The following DSCAM variants were observed in gnomAD, a reference collection of about 807,000 sequenced individuals.
DSCAM encodes DS cell adhesion molecule.
A neutral mutation model predicts 217.7 loss-of-function variants in DSCAM; 47 were observed. That is an observed-to-expected ratio of 0.22 (90% confidence interval 0.17 to 0.28). DSCAM has a LOEUF of 0.28. Ranked by LOEUF, DSCAM falls within the 10% of genes least tolerant of loss-of-function variation. The pLI is 1.00. For synonymous variants in DSCAM, 1,056 were observed against 1,015.3 expected (o/e 1.04, Z -0.76); for missense variants, 2,080 against 2,618.3 (o/e 0.79, Z 4.49).
At chr21:40,513,684 A>T (rs2076277737) in intron 3 of DSCAM, among the ~76,000 whole-genome samples, 1 of 152,308 alleles carries the variant, frequency 6.6e-6, no homozygotes, top group East Asian at 1.9e-4. Flanking sequence ...ATCTTTCCCC[A>T]TGACCCAAAC....
At chr21:40,286,851 T>TGCG (rs139977303) in intron 10 of DSCAM, among the ~76,000 whole-genome samples, 1 of 150,008 alleles carries the variant, frequency 6.7e-6, no homozygotes, top group East Asian at 2.0e-4. Flanking sequence ...GATCTGCAGG[T>TGCG]ATCTGCAGTG....
chr21:40,362,242 T>C (rs994050839), intron 4 of DSCAM, among the ~76,000 whole-genome samples: 11 of 152,182 alleles, frequency 7.2e-5, no homozygotes, highest in Non-Finnish European at 1.3e-4. Flanking sequence ...TACGTGTGCA[T>C]GTGTCTTTAT....
intron 3 of DSCAM, among the ~76,000 whole-genome samples, chr21:40,551,173 G>A (rs963001138): frequency 2.4e-4 from 36 of 152,170 alleles, no homozygotes; most frequent in African/African-American, 8.2e-4. Flanking sequence ...AGGTGGTTGG[G>A]TTACAGCTTG....
intron 9 of DSCAM, among the ~76,000 whole-genome samples, chr21:40,300,639 G>T (rs2074004929): frequency 6.6e-6 from 1 of 152,226 alleles, no homozygotes; most frequent in South Asian, 2.1e-4. Flanking sequence ...ATCACTGAGG[G>T]ACAGGAGTCA....
intron 3 of DSCAM, among the ~76,000 whole-genome samples, chr21:40,519,792 C>T (rs571087927): frequency 1.3e-5 from 2 of 152,188 alleles, no homozygotes; most frequent in South Asian, 4.1e-4. Flanking sequence ...CATGCCAGCT[C>T]GACAATTGTG....
At chr21:40,498,712 G>GGT (rs1568855015) in intron 3 of DSCAM, among the ~76,000 whole-genome samples, 2 of 3,872 alleles carry the variant, frequency 5.2e-4, no homozygotes, top group Non-Finnish European at 8.7e-4. Flanking sequence ...TATATATATG[G>GGT]GTGTATATAT....
intron 11 of DSCAM, among the ~76,000 whole-genome samples, chr21:40,238,612 A>G (rs2146937358): frequency 6.6e-6 from 1 of 152,338 alleles, no homozygotes; most frequent in South Asian, 2.1e-4. Flanking sequence ...CACATGTGCC[A>G]TAGCAGCTGG....
rs185775365 is a variant in DSCAM, at chr21:40,752,130, G to A, written c.44-43359C>T. On this transcript the variant is annotated intron_variant, in intron 1 of 32. Transcript: ENST00000400454. ...CACTCCTGACAGCACTTTGTACATG[G>A]TAATAATAATCTACCAATTAACTAC... Among the ~76,000 whole-genome samples the A allele has an allele frequency of 5.9e-5, 9 of 152,304 alleles. No individual in the cohort carries two copies. In the East Asian group the frequency reaches 1.7e-3, roughly 29 times the overall value.
intron 1 of DSCAM, among the ~76,000 whole-genome samples, chr21:40,822,277 C>T (rs1217567714): frequency 1.4e-5 from 2 of 138,230 alleles, no homozygotes; most frequent in Admixed American, 7.7e-5. Context: ...CAAGATTGCA[C>T]CACTGCACTC....
intron 1 of DSCAM, among the ~76,000 whole-genome samples, chr21:40,824,285 C>G (rs1182315686): frequency 6.6e-6 from 1 of 152,136 alleles, no homozygotes; most frequent in Non-Finnish European, 1.5e-5. Flanking sequence ...AACCAAAATA[C>G]TGCATTGATT....
chr21:40,262,960 T>C (rs1193226202), intron 11 of DSCAM, among the ~76,000 whole-genome samples: 1 of 152,200 alleles, frequency 6.6e-6, no homozygotes, highest in Non-Finnish European at 1.5e-5. Flanking sequence ...CTGTTAATTT[T>C]GCAAAAATAT....
At chr21:40,153,338 G>T (rs947292356) in intron 16 of DSCAM, among the ~76,000 whole-genome samples, 2 of 152,196 alleles carry the variant, frequency 1.3e-5, no homozygotes, top group African/African-American at 2.4e-5. Context: ...GTACTATGGA[G>T]GGGCAAATCG....
intron 1 of DSCAM, among the ~76,000 whole-genome samples, chr21:40,737,256 A>C (rs1435072128): frequency 2.0e-5 from 3 of 152,238 alleles, no homozygotes; most frequent in Non-Finnish European, 2.9e-5. Flanking sequence ...ATAGGATCAC[A>C]AGTGTATATA....
chr21:40,011,588 C>T lies in DSCAM; in HGVS notation c.*1446G>A, dbSNP rs190459878. The T allele has an allele frequency of 6.8e-6, 1 of 147,004 alleles. No individual in the cohort carries two copies. Among genetic ancestry groups the T allele is most frequent in the East Asian group, 2.1e-4 (1 of 4,814 alleles). 9.1% of individuals were successfully genotyped at this position (147,004 alleles called of 1,614,324 possible). On this transcript the variant is annotated 3_prime_UTR_variant, in exon 33 of 33. Coordinates refer to ENST00000400454, the MANE Select transcript of DSCAM (RefSeq NM_001389.5). Reference sequence around the variant, plus strand: ...GTGAGCCTGGAATGGAGTGTTGCAGCCAGGGGAGGATTACATCCTCTTTCA... The same window carrying T: ...GTGAGCCTGGAATGGAGTGTTGCAGTCAGGGGAGGATTACATCCTCTTTCA...
intron 3 of DSCAM, among the ~76,000 whole-genome samples, chr21:40,514,240 G>C (rs1281569696): frequency 1.3e-5 from 2 of 152,186 alleles, no homozygotes; most frequent in Non-Finnish European, 2.9e-5. Context: ...GCAGAGCCCT[G>C]CATGCTCAAT....
At chr21:40,660,193 C>T (rs547653334) in intron 3 of DSCAM, among the ~76,000 whole-genome samples, 1 of 152,212 alleles carries the variant, frequency 6.6e-6, no homozygotes, top group Non-Finnish European at 1.5e-5. Context: ...GATAATTTGG[C>T]CACAGATATG....
At chr21:40,666,765 T>G (rs1423704463) in intron 3 of DSCAM, among the ~76,000 whole-genome samples, 1 of 152,136 alleles carries the variant, frequency 6.6e-6, no homozygotes, top group Non-Finnish European at 1.5e-5. Context: ...TAGACAACAA[T>G]GACATAAAAA....
intron 18 of DSCAM, among the ~76,000 whole-genome samples, chr21:40,135,966 C>T (rs2090203885): frequency 6.6e-6 from 1 of 152,178 alleles, no homozygotes; most frequent in Admixed American, 6.5e-5. Flanking sequence ...ACAGTCCAGG[C>T]CCCAGTGGGA....
At chr21:40,688,877 A>T (rs983085608) in intron 3 of DSCAM, among the ~76,000 whole-genome samples, 16 of 152,222 alleles carry the variant, frequency 1.1e-4, no homozygotes, top group Non-Finnish European at 1.5e-5. Flanking sequence ...GGTCACTCCA[A>T]ATCAATGAAC....
Sources: allele counts gnomAD v4.1 joint callset (sites outside exome capture counted in the v4.1 genomes callset), GRCh38; gene constraint gnomAD v4.1.1; transcripts MANE v1.5; gene names NCBI Gene and HGNC (gene_info 2026-07-23, HGNC 2026-07-21).